Variants in TLE4 observed in about 807,000 individuals in gnomAD.
TLE4 encodes transducin-like enhancer protein 4.
TLE4 carries 8 observed loss-of-function variants against 92.8 expected under a neutral mutation model. That is an observed-to-expected ratio of 0.09 (90% confidence interval 0.05 to 0.16). The LOEUF (loss-of-function observed/expected upper bound fraction) is 0.16. Among genes scored for constraint, TLE4 ranks in the 10% least tolerant of loss-of-function variants. TLE4 has a pLI of 1.00. For synonymous variants in TLE4, 371 were observed against 374.1 expected (o/e 0.99, Z 0.10); for missense variants, 675 against 997.6 (o/e 0.68, Z 4.36).
At chr9:79,690,653 A>T (rs1004279325) in intron 8 of TLE4, among the ~76,000 whole-genome samples, 2 of 148,782 alleles carry the variant, frequency 1.3e-5, no homozygotes, top group African/African-American at 2.5e-5. Context: ...ACGGGATCTC[A>T]CTCTCACTCA....
At chr9:79,600,954 T>C (rs1010988764) in intron 4 of TLE4, among the ~76,000 whole-genome samples, 2 of 152,170 alleles carry the variant, frequency 1.3e-5, no homozygotes, top group Non-Finnish European at 1.5e-5. Context: ...TCACTCGAGA[T>C]AACATTATAG....
chr9:79,704,912 T>A lies in TLE4; in HGVS notation c.729+10T>A. 1 of 1,614,018 alleles carries A rather than the reference T, an allele frequency of 6.2e-7. No homozygotes were observed. Among genetic ancestry groups the A allele is most frequent in the Non-Finnish European group, 8.5e-7 (1 of 1,179,992 alleles). ...AATTGCAGCTCGTTATGTAAGTTCA[T>A]TCACCTTTGTGTTAGGGGAGGCCAG... is the stretch of plus-strand genomic sequence containing the variant. On this transcript the variant is annotated intron_variant, in intron 9 of 19. Transcript: ENST00000376552.
At chr9:79,708,536 G>C (rs1475007007) in intron 12 of TLE4, 57 bp from the exon 13 acceptor site, 40 of 1,477,232 alleles carry the variant, frequency 2.7e-5, no homozygotes, top group African/African-American at 1.4e-5. Context: ...GTTTACAAAT[G>C]TCTTCACTGT....
chr9:79,643,495 A>G (rs953644977), intron 6 of TLE4, among the ~76,000 whole-genome samples: 1 of 152,160 alleles, frequency 6.6e-6, no homozygotes, highest in Admixed American at 6.5e-5. Flanking sequence ...CTTTGCTGTC[A>G]TGTCTTTTTA....
chr9:79,666,137 G>A (rs1199991601), intron 8 of TLE4, among the ~76,000 whole-genome samples: 1 of 150,228 alleles, frequency 6.7e-6, no homozygotes, highest in Non-Finnish European at 1.5e-5. Context: ...GGTGGAATGA[G>A]TATGAATCTC....
At chr9:79,577,671 T>C (rs1365814989) in intron 4 of TLE4, among the ~76,000 whole-genome samples, 1 of 152,154 alleles carries the variant, frequency 6.6e-6, no homozygotes, top group African/African-American at 2.4e-5. Flanking sequence ...TGTATGTCTC[T>C]TTTTTTGTCT....
chr9:79,625,382 T>TCAAG (rs2052339026), intron 5 of TLE4, among the ~76,000 whole-genome samples: 1 of 152,182 alleles, frequency 6.6e-6, no homozygotes, highest in Non-Finnish European at 1.5e-5. Flanking sequence ...AGTTCTATGT[T>TCAAG]TTTGATCGCT....
chr9:79,657,529 C>G (rs1290780192), intron 8 of TLE4, among the ~76,000 whole-genome samples: 1 of 152,104 alleles, frequency 6.6e-6, no homozygotes, highest in Non-Finnish European at 1.5e-5. Flanking sequence ...CTTGTGCTGC[C>G]AGGAGCTTCC....
chr9:79,586,186 T>C (rs2791570), intron 4 of TLE4, among the ~76,000 whole-genome samples: 70,039 of 151,732 alleles, frequency 0.46, 18,540 homozygotes, highest in African/African-American at 0.74. Flanking sequence ...TCCTGGCCAA[T>C]GTGGTGAAAC....
intron 4 of TLE4, among the ~76,000 whole-genome samples, chr9:79,599,075 A>G (rs1319503776): frequency 6.6e-6 from 1 of 152,220 alleles, no homozygotes; most frequent in Non-Finnish European, 1.5e-5. Flanking sequence ...TCCGTCCACA[A>G]CATTAAATAT....
At chr9:79,582,323 A>G (rs1479614437) in intron 4 of TLE4, among the ~76,000 whole-genome samples, 1 of 152,174 alleles carries the variant, frequency 6.6e-6, no homozygotes, top group Non-Finnish European at 1.5e-5. Flanking sequence ...CCTGCTGGAT[A>G]TTATTTATTT....
At chr9:79,719,738 C>T (rs576981359) in intron 15 of TLE4, among the ~76,000 whole-genome samples, 8 of 152,254 alleles carry the variant, frequency 5.3e-5, no homozygotes, top group African/African-American at 1.4e-4. Context: ...CATTAGTGTA[C>T]GTGTGTATCT....
At chr9:79,666,683 C>G (rs1041459732) in intron 8 of TLE4, among the ~76,000 whole-genome samples, 17 of 152,158 alleles carry the variant, frequency 1.1e-4, no homozygotes, top group African/African-American at 3.9e-4. Context: ...AAAATCAGCA[C>G]TTTAATTAGT....
chr9:79,725,508 C>T lies in TLE4; in HGVS notation c.*364C>T, dbSNP rs532073354. ...TGCTCCTGCATTGATAATGAAGGTG[C>T]GTTGTATTTGATACCCCTCCCCCCC... On this transcript the variant is annotated 3_prime_UTR_variant, in exon 20 of 20. Coordinates refer to ENST00000376552, the MANE Select transcript of TLE4 (RefSeq NM_007005.6). 13 of 166,384 alleles carry T rather than the reference C, an allele frequency of 7.8e-5. No homozygotes were observed. Among genetic ancestry groups the T allele is most frequent in the Middle Eastern group, 3.0e-3 (1 of 334 alleles). The allele number at this position is 166,384 out of a possible 1,614,324, so 10.3% of individuals were successfully genotyped here. A position where few individuals can be genotyped will look rare whatever the true frequency, so the allele number is the denominator to read the frequency against.
chr9:79,615,790 A>G (rs1013346913), intron 5 of TLE4, among the ~76,000 whole-genome samples: 3 of 152,220 alleles, frequency 2.0e-5, no homozygotes, highest in Admixed American at 6.5e-5. Flanking sequence ...TTTTCCTATT[A>G]GAGTTTACTA....
intron 8 of TLE4, among the ~76,000 whole-genome samples, chr9:79,690,300 G>A (rs1479196004): frequency 2.0e-5 from 3 of 152,132 alleles, no homozygotes; most frequent in African/African-American, 4.8e-5. Flanking sequence ...CTTCATAAAC[G>A]TGAAGTGTCA....
At chr9:79,601,627 C>A in intron 4 of TLE4, 1 of 370,848 alleles carries the variant, frequency 2.7e-6, no homozygotes, top group Non-Finnish European at 5.3e-6. Context: ...ACTGTGCCCC[C>A]ATCAGACAGC....
intron 14 of TLE4, among the ~76,000 whole-genome samples, chr9:79,712,231 C>T (rs1195799007): frequency 6.6e-6 from 1 of 152,122 alleles, no homozygotes; most frequent in Non-Finnish European, 1.5e-5. Context: ...GTAGGAGGTA[C>T]ATTGTGTTTT....
Position 79,654,277 on chromosome 9 carries a change from AT to A in TLE4, c.609+205del, listed in dbSNP as rs571830068. On this transcript the variant is annotated intron_variant, in intron 8 of 19. Coordinates refer to ENST00000376552, the MANE Select transcript of TLE4 (RefSeq NM_007005.6). ...GGTCCCATTTCTCTATCAGAATCAG[AT>A]TTGTTGACCCAGGTTGAATTGCAAG... Among the ~76,000 whole-genome samples, 8 of 145,904 alleles carry A rather than the reference AT, an allele frequency of 5.5e-5. No homozygotes were observed. In the South Asian group the frequency reaches 1.7e-3, roughly 31 times the overall value.
Sources: allele counts gnomAD v4.1 joint callset (sites outside exome capture counted in the v4.1 genomes callset), GRCh38; gene constraint gnomAD v4.1.1; transcripts MANE v1.5; gene names NCBI Gene and HGNC (gene_info 2026-07-23, HGNC 2026-07-21).